SLIT2: variants seen among roughly 807,000 people sequenced by gnomAD.
The protein encoded by SLIT2 is slit guidance ligand 2, also known as slit homolog 2 protein.
A neutral mutation model predicts 185.7 loss-of-function variants in SLIT2; 41 were observed. That is an observed-to-expected ratio of 0.22 (90% CI 0.17 to 0.29). SLIT2 has a LOEUF of 0.29. Among genes scored for constraint, SLIT2 ranks in the 10% least tolerant of loss-of-function variants. The pLI is 1.00. For missense variants in SLIT2, 1,571 were observed against 1,909.0 expected, an observed-to-expected ratio of 0.82 and a Z score of 3.30; for synonymous variants, 693 against 680.2, an observed-to-expected ratio of 1.02 and a Z score of -0.29.
intron 11 of SLIT2, among the ~76,000 whole-genome samples, chr4:20,512,591 G>A (rs945570203): frequency 4.6e-5 from 7 of 152,080 alleles, no homozygotes; most frequent in Non-Finnish European, 8.8e-5. Context: ...AAGTAACTAG[G>A]TTCAGTGTAA....
At chr4:20,553,182 C>G (rs998915455) in intron 25 of SLIT2, among the ~76,000 whole-genome samples, 1 of 152,152 alleles carries the variant, frequency 6.6e-6, no homozygotes, top group Non-Finnish European at 1.5e-5. Flanking sequence ...TGTCCTTTAT[C>G]TGTATCATTA....
At chr4:20,499,775 G>A (rs542862581) in intron 9 of SLIT2, among the ~76,000 whole-genome samples, 3 of 152,106 alleles carry the variant, frequency 2.0e-5, no homozygotes, top group Admixed American at 6.5e-5. Flanking sequence ...GGGACATCAC[G>A]CCATGCCCAG....
At chr4:20,534,524 T>C (rs927518044) in intron 18 of SLIT2, among the ~76,000 whole-genome samples, 1 of 152,188 alleles carries the variant, frequency 6.6e-6, no homozygotes, top group Non-Finnish European at 1.5e-5. Flanking sequence ...ATACATTGTA[T>C]CTAAAAAGTA....
chr4:20,383,902 C>A (rs1724732309), intron 4 of SLIT2, among the ~76,000 whole-genome samples: 1 of 152,042 alleles, frequency 6.6e-6, no homozygotes, highest in Non-Finnish European at 1.5e-5. Flanking sequence ...GATGGGGTTT[C>A]ACCATGTTGG....
intron 29 of SLIT2, among the ~76,000 whole-genome samples, chr4:20,579,161 G>A (rs1029689506): frequency 4.0e-5 from 6 of 151,846 alleles, no homozygotes; most frequent in Non-Finnish European, 7.4e-5. Context: ...TCAGCTGGGC[G>A]TGGTGGTGCG....
At chr4:20,268,993 A>G in intron 4 of SLIT2, 112 bp downstream of exon 4, 1 of 703,076 alleles carries the variant, frequency 1.4e-6, no homozygotes, top group Non-Finnish European at 2.6e-6. Context: ...CAATAGATTA[A>G]TGGATTAAAA....
chr4:20,471,373 G>A (rs1028928531), intron 5 of SLIT2, among the ~76,000 whole-genome samples: 14 of 152,056 alleles, frequency 9.2e-5, no homozygotes, highest in Admixed American at 5.9e-4. Flanking sequence ...ATAAGTCATC[G>A]TCATGGCTCA....
intron 4 of SLIT2, among the ~76,000 whole-genome samples, chr4:20,322,078 T>C (rs942173508): frequency 1.3e-5 from 2 of 152,176 alleles, no homozygotes; most frequent in Non-Finnish European, 2.9e-5. Flanking sequence ...GCTTTCAGCA[T>C]CCTACTCAGT....
chr4:20,591,122 TC>T (rs146465179), intron 30 of SLIT2, among the ~76,000 whole-genome samples: 1,705 of 152,264 alleles, frequency 0.011, 35 homozygotes, highest in African/African-American at 0.039. Flanking sequence ...AATAATACCA[TC>T]TTATGATTTT....
At chr4:20,284,760 G>C (rs1715106633) in intron 4 of SLIT2, among the ~76,000 whole-genome samples, 1 of 152,126 alleles carries the variant, frequency 6.6e-6, no homozygotes, top group Non-Finnish European at 1.5e-5. Context: ...TTATTTGTCA[G>C]TTCTCTCCCA....
chr4:20,601,264 T>A (rs1728389781), intron 33 of SLIT2, among the ~76,000 whole-genome samples: 1 of 152,258 alleles, frequency 6.6e-6, no homozygotes, highest in Non-Finnish European at 1.5e-5. Context: ...ACTAACTGTG[T>A]GTCTTGGACA....
intron 25 of SLIT2, 133 bp from the exon 26 acceptor site, chr4:20,553,672 G>A (rs578170061): frequency 9.8e-6 from 8 of 813,588 alleles, no homozygotes; most frequent in Middle Eastern, 4.2e-4. Context: ...AAATCTATGG[G>A]GATTTTCTGC....
At chr4:20,617,732 T>TG in intron 36 of SLIT2, 82 bp downstream of exon 36, 1 of 467,764 alleles carries the variant, frequency 2.1e-6, no homozygotes, top group Non-Finnish European at 3.1e-6. Context: ...GGAGAAAAAG[T>TG]GAAAAAAAAA....
intron 4 of SLIT2, among the ~76,000 whole-genome samples, chr4:20,333,439 A>T (rs1577449827): frequency 6.6e-6 from 1 of 152,218 alleles, no homozygotes; most frequent in East Asian, 1.9e-4. Context: ...ATGATTATGC[A>T]TATGTTTCAC....
At chr4:20,363,217 G>A (rs2109299087) in intron 4 of SLIT2, among the ~76,000 whole-genome samples, 1 of 152,202 alleles carries the variant, frequency 6.6e-6, no homozygotes, top group South Asian at 2.1e-4. Flanking sequence ...TGTGATTTAT[G>A]TCCTTTTCTT....
At chr4:20,369,059 C>A (rs1723360238) in intron 4 of SLIT2, among the ~76,000 whole-genome samples, 1 of 152,018 alleles carries the variant, frequency 6.6e-6, no homozygotes. Flanking sequence ...TTGACTAAAT[C>A]CTCAGTCAAT....
chr4:20,313,482 C>T (rs1215217685), intron 4 of SLIT2, among the ~76,000 whole-genome samples: 1 of 152,178 alleles, frequency 6.6e-6, no homozygotes, highest in Non-Finnish European at 1.5e-5. Flanking sequence ...TCCCACCTCC[C>T]ACACTGGAGG....
intron 29 of SLIT2, among the ~76,000 whole-genome samples, chr4:20,577,186 A>G (rs1316454071): frequency 6.6e-6 from 1 of 152,160 alleles, no homozygotes; most frequent in African/African-American, 2.4e-5. Context: ...CTCACATTCC[A>G]AGAACATTAA....
chr4:20,525,765 T>C (rs1281636515), intron 15 of SLIT2, among the ~76,000 whole-genome samples: 4 of 152,184 alleles, frequency 2.6e-5, no homozygotes, highest in Admixed American at 1.3e-4. Flanking sequence ...TTCTTCTATA[T>C]CCAGAATTAC....
Sources: gnomAD v4.1 joint callset for allele counts (sites outside exome capture counted in the v4.1 genomes callset) on GRCh38, gnomAD v4.1.1 for gene constraint, MANE v1.5 for transcripts, NCBI Gene and HGNC (gene_info 2026-07-23, HGNC 2026-07-21) for gene names.